UNC5C: variants seen among roughly 807,000 people sequenced by gnomAD.
UNC5C encodes unc-5 netrin receptor C.
In UNC5C, 47 loss-of-function variants were observed where a neutral mutation model predicts 99.8. The ratio of observed to expected loss-of-function variants is 0.47; its 90% CI spans 0.37 to 0.60. UNC5C has a LOEUF of 0.60. UNC5C is among the 20% of genes least tolerant of loss of function. The pLI, the probability that UNC5C is intolerant of heterozygous loss-of-function variation, is 0.00. For missense variants in UNC5C, 1,062 were observed against 1,165.9 expected (o/e 0.91, Z 1.30); for synonymous variants, 487 against 452.2 (o/e 1.08, Z -0.98).
At chr4:95,181,822 G>A (rs1560717557) in intron 14 of UNC5C, among the ~76,000 whole-genome samples, 1 of 152,172 alleles carries the variant, frequency 6.6e-6, no homozygotes, top group Non-Finnish European at 1.5e-5. Flanking sequence ...CTCCCCACTC[G>A]GTTTGCTAAG....
At chr4:95,461,655 T>C (rs1020680522) in intron 1 of UNC5C, among the ~76,000 whole-genome samples, 1 of 152,192 alleles carries the variant, frequency 6.6e-6, no homozygotes, top group Non-Finnish European at 1.5e-5. Context: ...TCTATGAAAA[T>C]AACAACAATG....
chr4:95,166,024 T>C lies in UNC5C; in HGVS notation c.*3210A>G, dbSNP rs1010247416. 1 of 152,224 alleles carries C rather than the reference T, an allele frequency of 6.6e-6. No individual in the cohort carries two copies. Among genetic ancestry groups the C allele is most frequent in the African/African-American group, 2.4e-5 (1 of 41,464 alleles). 9.4% of individuals were successfully genotyped at this position (152,224 alleles called of 1,614,324 possible). ...GTGAAAATTTCCCTACATCTGTTTGTCATAAAGGTCCTTGAACTCTACAGG... is the reference window on the plus strand; with the variant it reads ...GTGAAAATTTCCCTACATCTGTTTGCCATAAAGGTCCTTGAACTCTACAGG... On this transcript the variant is annotated 3_prime_UTR_variant, in exon 16 of 16. Coordinates refer to ENST00000453304, the MANE Select transcript of UNC5C (RefSeq NM_003728.4).
intron 3 of UNC5C, among the ~76,000 whole-genome samples, chr4:95,298,991 G>T (rs946776059): frequency 6.6e-6 from 1 of 152,168 alleles, no homozygotes; most frequent in African/African-American, 2.4e-5. Flanking sequence ...ACCCTTCCGA[G>T]CTAGAAACAT....
rs764845348 is a variant in UNC5C, at chr4:95,335,394, G to A, written c.346+16C>T. On this transcript the variant is annotated intron_variant, in intron 2 of 15. Transcript: ENST00000453304. ...GTGAATCTTGAAGTGCAATGCAAAT[G>A]CAATGGAAAACTCACCGGAAGTTTC... is the stretch of plus-strand genomic sequence containing the variant. 6.2e-7 allele frequency: 1 copy of A among 1,601,942 alleles called. No individual in the cohort carries two copies. Among genetic ancestry groups the A allele is most frequent in the African/African-American group, 1.3e-5 (1 of 74,642 alleles).
At chr4:95,200,308 T>A (rs1038285178) in intron 12 of UNC5C, among the ~76,000 whole-genome samples, 2 of 152,240 alleles carry the variant, frequency 1.3e-5, no homozygotes, top group African/African-American at 4.8e-5. Flanking sequence ...CTGCTTATCC[T>A]TCTTTAGCTC....
chr4:95,381,345 ACAG>A (rs1325726244), intron 1 of UNC5C, among the ~76,000 whole-genome samples: 1 of 152,228 alleles, frequency 6.6e-6, no homozygotes, highest in Non-Finnish European at 1.5e-5. Flanking sequence ...CCTGAAGTTC[ACAG>A]CAGATCTGGT....
intron 4 of UNC5C, among the ~76,000 whole-genome samples, chr4:95,272,189 G>C (rs967643469): frequency 1.3e-5 from 2 of 152,028 alleles, no homozygotes; most frequent in Non-Finnish European, 2.9e-5. Flanking sequence ...TTACATTCTT[G>C]CTTATTGTTT....
intron 1 of UNC5C, among the ~76,000 whole-genome samples, chr4:95,498,610 A>T (rs561081980): frequency 6.6e-6 from 1 of 152,056 alleles, no homozygotes; most frequent in African/African-American, 2.4e-5. Context: ...ACTTTAAGCC[A>T]ATCTCTACAT....
chr4:95,376,483 G>A (rs1255866890), intron 1 of UNC5C, among the ~76,000 whole-genome samples: 1 of 152,074 alleles, frequency 6.6e-6, no homozygotes, highest in East Asian at 1.9e-4. Flanking sequence ...AACAGGGTCA[G>A]CTTGAGAACC....
chr4:95,325,386 A>C (rs915711744), intron 2 of UNC5C, among the ~76,000 whole-genome samples: 1 of 151,366 alleles, frequency 6.6e-6, no homozygotes, highest in Non-Finnish European at 1.5e-5. Flanking sequence ...TCAAAGAGCT[A>C]TATATTAAAG....
chr4:95,395,658 A>G (rs1399816511), intron 1 of UNC5C, among the ~76,000 whole-genome samples: 2 of 152,184 alleles, frequency 1.3e-5, no homozygotes, highest in Non-Finnish European at 2.9e-5. Context: ...GACTTTTGTT[A>G]TTAAAAGCAT....
At chr4:95,464,835 A>G (rs568434121) in intron 1 of UNC5C, among the ~76,000 whole-genome samples, 2 of 152,238 alleles carry the variant, frequency 1.3e-5, no homozygotes, top group Admixed American at 6.5e-5. Flanking sequence ...ATGAAAAATC[A>G]TAATTCTTTC....
At chr4:95,387,227 C>T (rs1216628876) in intron 1 of UNC5C, among the ~76,000 whole-genome samples, 1 of 152,130 alleles carries the variant, frequency 6.6e-6, no homozygotes, top group Non-Finnish European at 1.5e-5. Flanking sequence ...CAGCCTTGGC[C>T]TTCCTGGCTC....
intron 5 of UNC5C, among the ~76,000 whole-genome samples, chr4:95,246,493 G>A (rs1739506977): frequency 6.6e-6 from 1 of 152,106 alleles, no homozygotes; most frequent in South Asian, 2.1e-4. Context: ...CCCAGGAGTA[G>A]AGGCTGCAGT....
chr4:95,426,445 A>T (rs1259324853), intron 1 of UNC5C, among the ~76,000 whole-genome samples: 3 of 152,236 alleles, frequency 2.0e-5, no homozygotes, highest in Non-Finnish European at 2.9e-5. Context: ...AATGACCTCT[A>T]AGTGTTCAAG....
At chr4:95,479,099 C>A (rs902308592) in intron 1 of UNC5C, among the ~76,000 whole-genome samples, 3 of 151,958 alleles carry the variant, frequency 2.0e-5, no homozygotes, top group African/African-American at 7.2e-5. Flanking sequence ...AATTACCCAG[C>A]CTCAGGTACT....
intron 3 of UNC5C, among the ~76,000 whole-genome samples, chr4:95,289,322 T>A (rs2865435): frequency 0.54 from 82,459 of 151,982 alleles, 22,937 homozygotes; most frequent in African/African-American, 0.66. Context: ...ATAAGCTTCT[T>A]GCTTCCCAAA....
chr4:95,306,764 G>T (rs1291014936), intron 2 of UNC5C, among the ~76,000 whole-genome samples: 1 of 152,076 alleles, frequency 6.6e-6, no homozygotes, highest in African/African-American at 2.4e-5. Context: ...GCTTTCTCCA[G>T]CAATCTCTCT....
intron 12 of UNC5C, among the ~76,000 whole-genome samples, chr4:95,193,593 TATC>T (rs1408536879): frequency 6.6e-6 from 1 of 152,212 alleles, no homozygotes; most frequent in Non-Finnish European, 1.5e-5. Context: ...TTCTGTTCAT[TATC>T]ATGTGTCGAA....
Sources: allele counts gnomAD v4.1 joint callset (sites outside exome capture counted in the v4.1 genomes callset), GRCh38; gene constraint gnomAD v4.1.1; transcripts MANE v1.5; gene names NCBI Gene and HGNC (gene_info 2026-07-23, HGNC 2026-07-21).